ARHGEF18: variants seen among roughly 807,000 people sequenced by gnomAD.
ARHGEF18 encodes rho guanine nucleotide exchange factor 18.
In ARHGEF18, 93 loss-of-function variants were observed where a neutral mutation model predicts 155.7. The ratio of observed to expected loss-of-function variants is 0.60; its 90% CI spans 0.50 to 0.71. ARHGEF18 has a LOEUF of 0.71. ARHGEF18 is among the 30% of genes least tolerant of loss of function. ARHGEF18 has a pLI of 0.00. For missense variants in ARHGEF18, 1,593 were observed against 1,816.1 expected (o/e 0.88, Z 2.23); for synonymous variants, 742 against 753.1 (o/e 0.99, Z 0.24).
At chr19:7,456,566 A>C (rs907767777) in intron 18 of ARHGEF18, among the ~76,000 whole-genome samples, 163 bp downstream of exon 18, 1 of 151,844 alleles carries the variant, frequency 6.6e-6, no homozygotes, top group Non-Finnish European at 1.5e-5. Flanking sequence ...AAAATACAAA[A>C]ATTAGCCGGG....
chr19:7,467,629 G>A lies in ARHGEF18; in HGVS notation c.3425G>A (p.Arg1142His), dbSNP rs1474842329. 3.3e-6 allele frequency: 5 copies of A among 1,514,522 alleles called. No homozygotes were observed. The highest frequency in any genetic ancestry group is 3.5e-6 in the Non-Finnish European group (4 of 1,139,192). 93.8% of individuals were successfully genotyped at this position (1,514,522 alleles called of 1,614,324 possible). A position where few individuals can be genotyped will look rare whatever the true frequency, so the allele number is the denominator to read the frequency against. The change falls in exon 26 of 29, where the codon CGC becomes CAC. Residue 1142 changes from arginine to histidine, a missense_variant. Coordinates refer to ENST00000668164, the MANE Select transcript of ARHGEF18 (RefSeq NM_001367823.1). ...CGGGAGCGCCTGGAGCTGCTGCGCCGCCTCAAGAAGCAGAACACCGCGCCA... is the reference window on the plus strand; with the variant it reads ...CGGGAGCGCCTGGAGCTGCTGCGCCACCTCAAGAAGCAGAACACCGCGCCA... The part of the protein sequence containing the change: ...RERERLELLR[R>H]LKKQNTAPGA...
intron 8 of ARHGEF18, among the ~76,000 whole-genome samples, chr19:7,381,839 T>TCCTCCCTC (rs1472884085): frequency 6.6e-6 from 1 of 152,062 alleles, no homozygotes; most frequent in African/African-American, 2.4e-5. Flanking sequence ...CTCCCTCCTT[T>TCCTCCCTC]CCTCCCTCCC....
chr19:7,476,925 G>A (rs564379064), downstream of ARHGEF18: 173 of 394,648 alleles, frequency 4.4e-4, 4 homozygotes, highest in South Asian at 0.017. Flanking sequence ...CTCAAGGCAC[G>A]ACAGGCCCCC....
chr19:7,373,463 G>T lies in ARHGEF18; in HGVS notation c.275+392G>T, dbSNP rs1401869115. 5.0e-3 allele frequency among the ~76,000 whole-genome samples: 435 copies of T among 87,124 alleles called. 5 individuals are homozygous for T. Among genetic ancestry groups the T allele is most frequent in the African/African-American group, 0.044 (364 of 8,216 alleles). 57.2% of individuals were successfully genotyped at this position (87,124 alleles called of 152,430 possible). On this transcript the variant is annotated intron_variant, in intron 3 of 28. Coordinates refer to ENST00000668164, the MANE Select transcript of ARHGEF18 (RefSeq NM_001367823.1). ...ACTAGATTCTCTTGTTTTTGTGTTTGTTTTTTTTTTTTTGTTTTTGTTTTT... is the reference window on the plus strand; with the variant it reads ...ACTAGATTCTCTTGTTTTTGTGTTTTTTTTTTTTTTTTTGTTTTTGTTTTT...
chr19:7,449,943 G>A (rs1273530619), intron 15 of ARHGEF18, among the ~76,000 whole-genome samples: 1 of 152,180 alleles, frequency 6.6e-6, no homozygotes, highest in Admixed American at 6.6e-5. Context: ...CTCCCAAAGT[G>A]CTGAGATTAC....
Position 7,462,836 on chromosome 19 carries a change from CTTT to C in ARHGEF18, c.2635+518_2635+520del, listed in dbSNP as rs34155241. Among the ~76,000 whole-genome samples the C allele has an allele frequency of 9.3e-5, 9 of 96,472 alleles. No individual in the cohort carries two copies. The highest frequency in any genetic ancestry group is 2.2e-4 in the Admixed American group (2 of 9,220). The allele number at this position is 96,472 out of a possible 152,430, so 63.3% of individuals were successfully genotyped here. The stretch of plus-strand genomic sequence containing the variant: ...AGTCTGCTCTTTCTTTTTTTCTTTT[CTTT>C]TTTTTTTTTTTTTTTGAGATGGAGT... On this transcript the variant is annotated intron_variant, in intron 21 of 28. Transcript: ENST00000668164. This position sits in a 1 kb window ranked among gnomAD's most constrained non-coding sequence, Gnocchi z 4.4.
intron 2 of ARHGEF18, among the ~76,000 whole-genome samples, chr19:7,369,806 AAAAGAAAG>A (rs550272329): frequency 4.6e-5 from 7 of 152,036 alleles, no homozygotes; most frequent in African/African-American, 7.2e-5. Flanking sequence ...CAAAAAAATT[AAAAGAAAG>A]AAAGAAAGAA....
chr19:7,434,937 C>T (rs1238948903), intron 10 of ARHGEF18, among the ~76,000 whole-genome samples: 2 of 152,250 alleles, frequency 1.3e-5, no homozygotes, highest in African/African-American at 4.8e-5. Flanking sequence ...CGCAGTGGCT[C>T]ACGCCTGTAA....
intron 18 of ARHGEF18, among the ~76,000 whole-genome samples, chr19:7,457,515 G>A (rs529090472): frequency 5.3e-5 from 8 of 151,420 alleles, no homozygotes; most frequent in South Asian, 2.1e-4. Flanking sequence ...GGCACCTGCC[G>A]CCACACCCGG....
chr19:7,375,999 T>C (rs1970444090), intron 4 of ARHGEF18, 129 bp downstream of exon 4: 3 of 1,062,994 alleles, frequency 2.8e-6, no homozygotes, highest in Non-Finnish European at 3.6e-6. Flanking sequence ...GGAGGCTGCT[T>C]ATCTGTGGTG....
intron 20 of ARHGEF18, 131 bp downstream of exon 20, chr19:7,460,125 C>T: frequency 1.2e-6 from 1 of 857,148 alleles, no homozygotes; most frequent in African/African-American, 1.7e-5. Context: ...CCATGTCCTG[C>T]AGCTCTGTGA....
At chr19:7,449,139 C>G (rs559373343) in intron 15 of ARHGEF18, among the ~76,000 whole-genome samples, 1 of 152,198 alleles carries the variant, frequency 6.6e-6, no homozygotes, top group East Asian at 1.9e-4. Context: ...CGGCTCCGGG[C>G]CTCTTCAGTG....
At chr19:7,439,773 A>G (rs1002320995) in intron 10 of ARHGEF18, 3 of 1,405,316 alleles carry the variant, frequency 2.1e-6, no homozygotes, top group Non-Finnish European at 2.8e-6. Context: ...AGGTTTTGGC[A>G]TGAAGCACGC....
intron 10 of ARHGEF18, among the ~76,000 whole-genome samples, chr19:7,425,202 T>C (rs543738679): frequency 2.6e-5 from 4 of 151,352 alleles, no homozygotes; most frequent in African/African-American, 4.8e-5. Flanking sequence ...TGTTCCGCCC[T>C]TTTTTTTTCT....
At chr19:7,478,345 T>G in the ARHGEF18 span, 1 of 1,611,350 alleles carries the variant, frequency 6.2e-7, no homozygotes, top group Admixed American at 1.7e-5. Context: ...CTCCGCAGCC[T>G]CTGTCTCAGT....
At chr19:7,354,009 G>A in intron 1 of ARHGEF18, among the ~76,000 whole-genome samples, 1 of 151,492 alleles carries the variant, frequency 6.6e-6, no homozygotes, top group Non-Finnish European at 1.5e-5. Context: ...TATCCCTGTT[G>A]TATTTTTAAA....
chr19:7,350,696 G>T (rs1386228680), intron 1 of ARHGEF18, among the ~76,000 whole-genome samples: 1 of 151,996 alleles, frequency 6.6e-6, no homozygotes, highest in Non-Finnish European at 1.5e-5. Context: ...ATGTGGCCTT[G>T]GGCAAATGAC....
At chr19:7,361,905 T>C (rs1279446765) in intron 1 of ARHGEF18, among the ~76,000 whole-genome samples, 1 of 151,448 alleles carries the variant, frequency 6.6e-6, no homozygotes, top group Non-Finnish European at 1.5e-5. Context: ...GGCAGGAGAA[T>C]GGCTTGAACT....
intron 10 of ARHGEF18, among the ~76,000 whole-genome samples, chr19:7,433,165 TA>T (rs34267862): frequency 0.36 from 51,298 of 143,956 alleles, 9,158 homozygotes; most frequent in East Asian, 0.6. Flanking sequence ...TGTCTCTCTT[TA>T]AAAAAAAAAA....
Sources: allele counts gnomAD v4.1 joint callset (sites outside exome capture counted in the v4.1 genomes callset), GRCh38; gene constraint gnomAD v4.1.1; non-coding constraint Gnocchi (gnomAD v3.1); transcripts MANE v1.5; gene names NCBI Gene and HGNC (gene_info 2026-07-23, HGNC 2026-07-21).